Variants in SERPINB7 observed in about 807,000 individuals in gnomAD.
SERPINB7 encodes serpin family B member 7.
SERPINB7 carries 31 observed loss-of-function variants against 37.4 expected under a neutral mutation model. The ratio of observed to expected loss-of-function variants is 0.83; its 90% CI spans 0.62 to 1.12. SERPINB7 has a LOEUF of 1.12. Ranked by LOEUF, SERPINB7 falls within the 50% of genes most tolerant of loss-of-function variation. The pLI is 0.00. For missense variants in SERPINB7, 521 were observed against 455.3 expected (o/e 1.14, Z -1.31); for synonymous variants, 163 against 166.1 (o/e 0.98, Z 0.14).
At chr18:63,772,230 T>C (rs1336871896), upstream of SERPINB7, among the ~76,000 whole-genome samples, 1 of 148,400 alleles carries the variant, frequency 6.7e-6, no homozygotes, top group African/African-American at 2.6e-5. Context: ...TTTAGCTTAC[T>C]ATCTATCTAT....
At position 63,765,833 on chromosome 18, in the gene SERPINB7, G is replaced by A. The variant is rs544425318; in HGVS notation, c.-19+12713G>A. On this transcript the variant is annotated intron_variant, in intron 1 of 7. Transcript: ENST00000336429. ...CTTCATAGCACTTATTATTTATAGCGTGTGTTTAATGTATTAGGATTAATT... is the reference window on the plus strand; with the variant it reads ...CTTCATAGCACTTATTATTTATAGCATGTGTTTAATGTATTAGGATTAATT... Among the ~76,000 whole-genome samples the A allele has an allele frequency of 2.8e-4, 42 of 152,136 alleles. No homozygotes were observed. In the East Asian group the frequency reaches 4.3e-3, roughly 15 times the overall value.
chr18:63,788,899 A>G (rs1264193589), intron 2 of SERPINB7, among the ~76,000 whole-genome samples: 1 of 152,194 alleles, frequency 6.6e-6, no homozygotes, highest in Admixed American at 6.5e-5. Flanking sequence ...AGTAGGCCAT[A>G]CCATCTAGGT....
chr18:63,799,355 A>C (rs1470722354), intron 6 of SERPINB7, among the ~76,000 whole-genome samples: 3 of 152,184 alleles, frequency 2.0e-5, no homozygotes, highest in Non-Finnish European at 4.4e-5. Context: ...GCAGTCAGGA[A>C]TGTTGTATTG....
At chr18:63,766,028 C>T (rs8091258) in intron 1 of SERPINB7, among the ~76,000 whole-genome samples, 4,706 of 152,178 alleles carry the variant, frequency 0.031, 120 homozygotes, top group African/African-American at 0.065. Context: ...CACAAGGATG[C>T]TGCTCTACCT....
At chr18:63,768,281 G>C (rs951258206) in intron 1 of SERPINB7, among the ~76,000 whole-genome samples, 1 of 151,132 alleles carries the variant, frequency 6.6e-6, no homozygotes, top group South Asian at 2.1e-4. Flanking sequence ...TTTTTATTCT[G>C]TAGATCATTC....
At chr18:63,761,740 A>C (rs1024846871) in intron 1 of SERPINB7, among the ~76,000 whole-genome samples, 2 of 151,682 alleles carry the variant, frequency 1.3e-5, no homozygotes, top group Non-Finnish European at 1.5e-5. Context: ...CTTCTTCCTC[A>C]TTTTCTCTTG....
intron 1 of SERPINB7, among the ~76,000 whole-genome samples, chr18:63,777,140 A>G (rs1242880790): frequency 1.3e-5 from 2 of 152,092 alleles, no homozygotes; most frequent in South Asian, 2.1e-4. Flanking sequence ...CTTAAATACA[A>G]TGTTCCCCAA....
In SERPINB7 at chr18:63,804,691, G is replaced by A; in HGVS notation, c.*56G>A. ...CCACAACATCAAAGAACCACCACAA[G>A]TCAATAGATTTGAGTTTAATTGGAA... On this transcript the variant is annotated 3_prime_UTR_variant, in exon 8 of 8. Transcript: ENST00000398019. 6.7e-7 allele frequency: 1 copy of A among 1,481,564 alleles called. No individual in the cohort carries two copies. The highest frequency in any genetic ancestry group is 1.3e-5 in the South Asian group (1 of 75,016). 91.8% of individuals were successfully genotyped at this position (1,481,564 alleles called of 1,614,324 possible). A position where few individuals can be genotyped will look rare whatever the true frequency, so the allele number is the denominator to read the frequency against.
At chr18:63,781,464 T>C (rs1372993197) in intron 1 of SERPINB7, among the ~76,000 whole-genome samples, 1 of 152,206 alleles carries the variant, frequency 6.6e-6, no homozygotes, top group Non-Finnish European at 1.5e-5. Context: ...TCAGATGTAA[T>C]ATCATTGGAC....
At chr18:63,765,258 T>G (rs1358121082) in intron 1 of SERPINB7, among the ~76,000 whole-genome samples, 1 of 152,124 alleles carries the variant, frequency 6.6e-6, no homozygotes, top group Non-Finnish European at 1.5e-5. Context: ...TGTTATCTTG[T>G]TTTTTTCATT....
upstream of SERPINB7, among the ~76,000 whole-genome samples, chr18:63,773,444 C>T (rs2049223020): frequency 6.6e-6 from 1 of 152,120 alleles, no homozygotes; most frequent in Non-Finnish European, 1.5e-5. Flanking sequence ...TCTAGCACCC[C>T]TTACCATGCC....
upstream of SERPINB7, among the ~76,000 whole-genome samples, chr18:63,773,869 G>A (rs1171301200): frequency 1.3e-5 from 2 of 152,158 alleles, no homozygotes; most frequent in Non-Finnish European, 2.9e-5. Context: ...ACAATGGTGA[G>A]TAGAGCCTTA....
At chr18:63,785,357 T>G (rs2049353555) in intron 2 of SERPINB7, among the ~76,000 whole-genome samples, 1 of 152,198 alleles carries the variant, frequency 6.6e-6, no homozygotes, top group African/African-American at 2.4e-5. Flanking sequence ...TCTTTTTCTT[T>G]TTGATGCTCA....
In SERPINB7 at chr18:63,796,341, A is replaced by G; in HGVS notation, c.412A>G (p.Thr138Ala). ...TGACTTTACGAATCATTTAGAAGAC[A>G]CTAGACGTAATATTAATAAGTGGGT... ...RVDFTNHLED[T>A]RRNINKWVEN... Residue 138 changes from threonine (T) to alanine (A), a missense_variant, in exon 5 of 8, where the codon ACT becomes GCT. Coordinates refer to ENST00000398019, the MANE Select transcript of SERPINB7 (RefSeq NM_003784.4). 1 of 1,612,008 alleles carries G rather than the reference A, an allele frequency of 6.2e-7. No individual in the cohort carries two copies. The highest frequency in any genetic ancestry group is 1.1e-5 in the South Asian group (1 of 90,960).
At position 63,805,002 on chromosome 18, in the gene SERPINB7, A is replaced by G. The variant is rs1255538901; in HGVS notation, c.*367A>G. 2 of 188,900 alleles carry G rather than the reference A, an allele frequency of 1.1e-5. No individual in the cohort carries two copies. Among genetic ancestry groups the G allele is most frequent in the Non-Finnish European group, 2.2e-5 (2 of 91,436 alleles). 11.7% of individuals were successfully genotyped at this position (188,900 alleles called of 1,614,324 possible). On this transcript the variant is annotated 3_prime_UTR_variant, in exon 8 of 8. Coordinates refer to ENST00000398019, the MANE Select transcript of SERPINB7 (RefSeq NM_003784.4). Reference sequence around the variant, plus strand: ...TTGAAACTCTACAGTTATCGCAGATATTCTAGCTTCATTGTAAGCAATCTA... The same window carrying G: ...TTGAAACTCTACAGTTATCGCAGATGTTCTAGCTTCATTGTAAGCAATCTA...
rs1555694242 is a variant in SERPINB7, at chr18:63,783,283, A to AAAGAAAGGAAGG, written c.168+750_168+751insGAAGGAAGAAAG. Among the ~76,000 whole-genome samples, 672 of 122,548 alleles carry AAAGAAAGGAAGG rather than the reference A, an allele frequency of 5.5e-3. 29 individuals are homozygous for AAAGAAAGGAAGG. The highest frequency in any genetic ancestry group is 0.02 in the African/African-American group (635 of 31,270). The allele number at this position is 122,548 out of a possible 152,430, so 80.4% of individuals were successfully genotyped here. A position where few individuals can be genotyped will look rare whatever the true frequency, so the allele number is the denominator to read the frequency against. On this transcript the variant is annotated intron_variant, in intron 2 of 7. Coordinates refer to ENST00000398019, the MANE Select transcript of SERPINB7 (RefSeq NM_003784.4). ...GAAAGAAAGAAAGAAAGAAAGAAAG[A>AAAGAAAGGAAGG]AAGAAAGAAAGAAATGCAAATGCTT...
At chr18:63,781,381 G>A (rs190997769) in intron 1 of SERPINB7, among the ~76,000 whole-genome samples, 65 of 152,312 alleles carry the variant, frequency 4.3e-4, no homozygotes, top group African/African-American at 1.5e-3. Context: ...TAGCAACAGG[G>A]TTGAGACTTG....
chr18:63,758,882 G>T (rs974826499), intron 1 of SERPINB7, among the ~76,000 whole-genome samples: 1 of 152,212 alleles, frequency 6.6e-6, no homozygotes, highest in Non-Finnish European at 1.5e-5. Flanking sequence ...CAAGAACTGT[G>T]CTGAGTGGTG....
chr18:63,800,337 C>G (rs1026287018), intron 6 of SERPINB7, among the ~76,000 whole-genome samples: 2 of 152,046 alleles, frequency 1.3e-5, no homozygotes, highest in Non-Finnish European at 2.9e-5. Context: ...GCTGGGATTA[C>G]AGGCATGAGC....
Sources: allele counts gnomAD v4.1 joint callset (sites outside exome capture counted in the v4.1 genomes callset), GRCh38; gene constraint gnomAD v4.1.1; transcripts MANE v1.5; gene names NCBI Gene and HGNC (gene_info 2026-07-23, HGNC 2026-07-21).